The following NACC2 variants were observed in gnomAD, a reference collection of about 807,000 sequenced individuals.
NACC2 encodes the protein nucleus accumbens-associated protein 2.
In NACC2, 8 loss-of-function variants were observed where a neutral mutation model predicts 25.1. That is an observed-to-expected ratio of 0.32 (90% CI 0.19 to 0.57). The LOEUF (loss-of-function observed/expected upper bound fraction) is 0.57. Among genes scored for constraint, NACC2 ranks in the 20% least tolerant of loss-of-function variants. The probability of loss-of-function intolerance (pLI) is 0.89; values close to 1 mark genes in which losing one functional copy is unlikely to be tolerated. For missense variants in NACC2, 644 were observed against 650.2 expected (o/e 0.99, Z 0.10); for synonymous variants, 435 against 294.7 (o/e 1.48, Z -4.88).
Position 136,049,952 on chromosome 9 carries a change from C to T in NACC2, c.570G>A (p.Lys190=), listed in dbSNP as rs1253026190. ...CCCGGGGCCCCGTCTCCAGCGGGCGCTTGGGGGCCAGGCCTGGGCCGGCCG... is the reference window on the plus strand; with the variant it reads ...CCCGGGGCCCCGTCTCCAGCGGGCGTTTGGGGGCCAGGCCTGGGCCGGCCG... ...LPPAGPGLAP[K]RPLETGPRDG... Residue 190 remains lysine (K), a synonymous_variant, in exon 2 of 6, where the codon AAG becomes AAA. Coordinates refer to ENST00000277554, the MANE Select transcript of NACC2 (RefSeq NM_144653.5). 4.2e-5 allele frequency: 25 copies of T among 593,310 alleles called. No individual in the cohort carries two copies. In the African/African-American group the frequency reaches 4.3e-4, roughly 10 times the overall value. The allele number at this position is 593,310 out of a possible 1,614,324, so 36.8% of individuals were successfully genotyped here. A position where few individuals can be genotyped will look rare whatever the true frequency, so the allele number is the denominator to read the frequency against.
chr9:136,023,180 C>T (rs1041564205), intron 2 of NACC2, among the ~76,000 whole-genome samples: 7 of 142,104 alleles, frequency 4.9e-5, no homozygotes, highest in Non-Finnish European at 9.3e-5. Flanking sequence ...CCTGGAAACC[C>T]GGATGGAAAG....
intron 1 of NACC2, among the ~76,000 whole-genome samples, chr9:136,057,730 G>A (rs977044231): frequency 2.0e-5 from 3 of 152,154 alleles, no homozygotes; most frequent in Non-Finnish European, 2.9e-5. Flanking sequence ...CTGCCCAGGC[G>A]GAGCGGCCGG....
intron 2 of NACC2, among the ~76,000 whole-genome samples, chr9:136,036,056 G>A (rs1282611544): frequency 1.3e-5 from 2 of 152,070 alleles, no homozygotes; most frequent in African/African-American, 4.8e-5. Flanking sequence ...TTAACAAAAC[G>A]GAAAGTTGCA....
chr9:136,084,688 T>C lies in NACC2; in HGVS notation c.-60+10501A>G, dbSNP rs1348011904. On this transcript the variant is annotated intron_variant, in intron 1 of 5. Coordinates refer to ENST00000277554, the MANE Select transcript of NACC2 (RefSeq NM_144653.5). This position sits in a 1 kb window ranked among gnomAD's most constrained non-coding sequence, Gnocchi z 5.1. ...AGCCAAGAGGCAAGTGGCCCCAGGG[T>C]CCGCCAATGGGTGACAGTCAAAGGA... 1.3e-5 allele frequency among the ~76,000 whole-genome samples: 2 copies of C among 152,122 alleles called. No homozygotes were observed. Among genetic ancestry groups the C allele is most frequent in the African/African-American group, 4.8e-5 (2 of 41,424 alleles).
chr9:136,050,286 T>C lies in NACC2; in HGVS notation c.236A>G (p.Gln79Arg), dbSNP rs1402599826. 2.6e-6 allele frequency: 2 copies of C among 759,470 alleles called. No individual in the cohort carries two copies. The highest frequency in any genetic ancestry group is 3.5e-5 in the Admixed American group (2 of 56,730). The allele number at this position is 759,470 out of a possible 1,614,324, so 47.0% of individuals were successfully genotyped here. A position where few individuals can be genotyped will look rare whatever the true frequency, so the allele number is the denominator to read the frequency against. Reference sequence around the variant, plus strand: ...CGTGTAGCAGAAGGACAGGATCTGCTGGAAGCAGGCGGGCGGCACGGAGCC... The same window carrying C: ...CGTGTAGCAGAAGGACAGGATCTGCCGGAAGCAGGCGGGCGGCACGGAGCC... ...LPGSVPPACF[Q>R]QILSFCYTGR... Residue 79 changes from glutamine to arginine, a missense_variant, in exon 2 of 6, where the codon CAG becomes CGG. Transcript: ENST00000277554.
At chr9:136,028,509 G>C (rs146931386) in intron 2 of NACC2, among the ~76,000 whole-genome samples, 1 of 151,758 alleles carries the variant, frequency 6.6e-6, no homozygotes, top group Non-Finnish European at 1.5e-5. Context: ...CTGCGTAACT[G>C]TGACTACAGG....
chr9:136,025,705 G>C (rs375612974), intron 2 of NACC2, among the ~76,000 whole-genome samples: 1 of 151,910 alleles, frequency 6.6e-6, no homozygotes, highest in South Asian at 2.1e-4. Context: ...CTTGAGGTTA[G>C]GAGTTCGAGA....
At chr9:136,075,227 C>T (rs1209340889) in intron 1 of NACC2, among the ~76,000 whole-genome samples, 3 of 152,254 alleles carry the variant, frequency 2.0e-5, no homozygotes, top group Non-Finnish European at 4.4e-5. Flanking sequence ...CACATGGCAC[C>T]AGGGAGGTGG....
chr9:136,067,610 G>A (rs12345528), intron 1 of NACC2, among the ~76,000 whole-genome samples: 19,364 of 142,908 alleles, frequency 0.14, 2,984 homozygotes, highest in African/African-American at 0.37. Context: ...AGCCAAGGCG[G>A]GCAGATCACG....
chr9:136,042,953 CAGACACACAG>C (rs1488779880), intron 2 of NACC2, among the ~76,000 whole-genome samples: 6 of 151,254 alleles, frequency 4.0e-5, no homozygotes, highest in African/African-American at 7.3e-5. Flanking sequence ...CAGACACACA[CAGACACACAG>C]AGACACACAC....
chr9:136,088,676 G>C (rs1360973281), intron 1 of NACC2, among the ~76,000 whole-genome samples: 2 of 152,230 alleles, frequency 1.3e-5, no homozygotes, highest in African/African-American at 4.8e-5. Context: ...GAGGCATCGT[G>C]GTCTGGGGTC....
chr9:136,033,365 C>T (rs574107002), intron 2 of NACC2, among the ~76,000 whole-genome samples: 39 of 151,854 alleles, frequency 2.6e-4, no homozygotes, highest in Non-Finnish European at 1.8e-4. Context: ...AACTTCTGGC[C>T]GGGCACGGTG....
intron 1 of NACC2, among the ~76,000 whole-genome samples, chr9:136,052,460 A>G (rs1345099292): frequency 6.8e-6 from 1 of 146,704 alleles, no homozygotes; most frequent in East Asian, 2.0e-4. Flanking sequence ...TGAGGGGGTC[A>G]GGACAGCTAG....
chr9:136,031,297 G>A (rs991623585), intron 2 of NACC2, among the ~76,000 whole-genome samples: 2 of 149,832 alleles, frequency 1.3e-5, no homozygotes, highest in African/African-American at 2.4e-5. Context: ...CAATGTTAGT[G>A]CCCTTCCCTC....
Position 136,020,923 on chromosome 9 carries a change from G to A in NACC2, c.887-4494C>T, listed in dbSNP as rs1188689308. 1.3e-5 allele frequency among the ~76,000 whole-genome samples: 2 copies of A among 152,072 alleles called. No individual in the cohort carries two copies. The highest frequency in any genetic ancestry group is 6.6e-5 in the Admixed American group (1 of 15,266). On this transcript the variant is annotated intron_variant, in intron 2 of 5. Coordinates refer to ENST00000277554, the MANE Select transcript of NACC2 (RefSeq NM_144653.5). This position sits in a 1 kb window ranked among gnomAD's most constrained non-coding sequence, Gnocchi z 4.7. ...ACACGTGGCACCAAAACCACCCTCC[G>A]TCTCAGCCTCGCACCCTACACAAAA...
chr9:136,061,248 C>T (rs1564235013), intron 1 of NACC2, among the ~76,000 whole-genome samples: 1 of 152,202 alleles, frequency 6.6e-6, no homozygotes. Context: ...CTCCTGACAC[C>T]CCAGCTGGAG....
At chr9:136,045,852 C>T (rs1042476189) in intron 2 of NACC2, among the ~76,000 whole-genome samples, 3 of 152,286 alleles carry the variant, frequency 2.0e-5, no homozygotes, top group Admixed American at 6.5e-5. Context: ...GCCAAGGAGA[C>T]CACGGGAACA....
In NACC2 at chr9:136,008,269, C is replaced by T. The variant is rs1840054583; in HGVS notation, c.*3247G>A. The T allele has an allele frequency of 6.6e-6, 1 of 152,196 alleles. No individual in the cohort carries two copies. Among genetic ancestry groups the T allele is most frequent in the African/African-American group, 2.4e-5 (1 of 41,428 alleles). The allele number at this position is 152,196 out of a possible 1,614,324, so 9.4% of individuals were successfully genotyped here. On this transcript the variant is annotated 3_prime_UTR_variant, in exon 6 of 6. Transcript: ENST00000277554. Reference sequence around the variant, plus strand: ...CACAGTATCTGTCACACCTCCGGTCCCTCCTGGACCTCTCCATGCAACCCA... The same window carrying T: ...CACAGTATCTGTCACACCTCCGGTCTCTCCTGGACCTCTCCATGCAACCCA...
At position 136,011,216 on chromosome 9, in the gene NACC2, C is replaced by T. The variant is rs559291430; in HGVS notation, c.*300G>A. The T allele has an allele frequency of 5.4e-5, 12 of 223,400 alleles. No individual in the cohort carries two copies. In the South Asian group the frequency reaches 7.3e-4, roughly 14 times the overall value. 13.8% of individuals were successfully genotyped at this position (223,400 alleles called of 1,614,324 possible). ...GCAGGGCTGGGCACCAGGGGCCTGG[C>T]GGCCTCCCACCCTCCCCAAGAAGGG... On this transcript the variant is annotated 3_prime_UTR_variant, in exon 6 of 6. Coordinates refer to ENST00000277554, the MANE Select transcript of NACC2 (RefSeq NM_144653.5).
Sources: gnomAD v4.1 joint callset for allele counts (sites outside exome capture counted in the v4.1 genomes callset) on GRCh38, gnomAD v4.1.1 for gene constraint, Gnocchi (gnomAD v3.1) non-coding constraint, MANE v1.5 for transcripts, NCBI Gene and HGNC (gene_info 2026-07-23, HGNC 2026-07-21) for gene names.